Variants in RFX4 observed in about 807,000 individuals in gnomAD.
RFX4 encodes regulatory factor X4.
Under a neutral mutation model 95.0 loss-of-function variants are expected in RFX4, and 10 were observed. The ratio of observed to expected loss-of-function variants is 0.11; its 90% CI spans 0.06 to 0.18. The LOEUF is 0.18. Ranked by LOEUF, RFX4 falls within the 10% of genes least tolerant of loss-of-function variation. The pLI is 1.00. For synonymous variants in RFX4, 321 were observed against 340.7 expected, an observed-to-expected ratio of 0.94 and a Z score of 0.64; for missense variants, 640 against 922.0, an observed-to-expected ratio of 0.69 and a Z score of 3.96.
chr12:106,634,630 C>T (rs988895585), intron 2 of RFX4, among the ~76,000 whole-genome samples: 4 of 152,186 alleles, frequency 2.6e-5, no homozygotes, highest in Non-Finnish European at 5.9e-5. Context: ...AGCAGAGACC[C>T]GTGCTGCAGC....
intron 2 of RFX4, among the ~76,000 whole-genome samples, chr12:106,630,704 C>G (rs576529003): frequency 2.0e-5 from 3 of 152,306 alleles, no homozygotes; most frequent in African/African-American, 7.2e-5. Context: ...AAACTTGAAC[C>G]TTTCCTGGGA....
In RFX4 at chr12:106,752,820, C is replaced by T. The variant is rs537278758; in HGVS notation, c.1935+2027C>T. Among the ~76,000 whole-genome samples, 18 of 152,206 alleles carry T rather than the reference C, an allele frequency of 1.2e-4. No individual in the cohort carries two copies. In the East Asian group the frequency reaches 3.3e-3, roughly 28 times the overall value. On this transcript the variant is annotated intron_variant, in intron 17 of 17. Transcript: ENST00000392842. ...TGTGGGGAATAGACAGGCCATTGCACTTGGCTGCATTTGGGAAACCACCGC... is the reference window on the plus strand; with the variant it reads ...TGTGGGGAATAGACAGGCCATTGCATTTGGCTGCATTTGGGAAACCACCGC...
Position 106,583,238 on chromosome 12 carries a change from C to A in RFX4, c.-83C>A. 1.6e-6 allele frequency: 2 copies of A among 1,261,230 alleles called. No homozygotes were observed. The highest frequency in any genetic ancestry group is 1.5e-5 in the South Asian group (1 of 68,242). The allele number at this position is 1,261,230 out of a possible 1,614,324, so 78.1% of individuals were successfully genotyped here. On this transcript the variant is annotated 5_prime_UTR_variant, in exon 1 of 18. Transcript: ENST00000392842. ...TCTCCCCTTCTCCCTCCCTCCCTCCCTTCCTCCCTGGGCATCTCTAGCACA... is the reference window on the plus strand; with the variant it reads ...TCTCCCCTTCTCCCTCCCTCCCTCCATTCCTCCCTGGGCATCTCTAGCACA...
intron 10 of RFX4, 28 bp from the exon 11 acceptor site, chr12:106,715,372 C>T (rs779809583): frequency 6.2e-7 from 1 of 1,606,494 alleles, no homozygotes; most frequent in Admixed American, 1.7e-5. Context: ...AACCCATGAG[C>T]TAACGAGTTG....
chr12:106,675,527 G>T (rs578051275), intron 4 of RFX4, among the ~76,000 whole-genome samples: 33 of 152,168 alleles, frequency 2.2e-4, no homozygotes, highest in Middle Eastern at 3.4e-3. Flanking sequence ...GGGAGGTAAT[G>T]AATATGTTAA....
At chr12:106,610,990 T>G (rs1323587984) in intron 2 of RFX4, among the ~76,000 whole-genome samples, 1 of 151,244 alleles carries the variant, frequency 6.6e-6, no homozygotes, top group African/African-American at 2.4e-5. Context: ...TATTTTCTGT[T>G]TTTTTTTTAA....
At chr12:106,734,892 T>C (rs911626594) in intron 15 of RFX4, among the ~76,000 whole-genome samples, 9 of 149,238 alleles carry the variant, frequency 6.0e-5, no homozygotes, top group Admixed American at 2.7e-4. Flanking sequence ...GAGACCCCCA[T>C]CTCTACACAA....
chr12:106,651,227 T>TC (rs2040850826), intron 3 of RFX4, among the ~76,000 whole-genome samples: 2 of 151,864 alleles, frequency 1.3e-5, no homozygotes, highest in African/African-American at 4.8e-5. Context: ...CCTCCCTCCC[T>TC]CCCCCAACTA....
chr12:106,625,085 T>G (rs1454226365), intron 2 of RFX4, among the ~76,000 whole-genome samples: 1 of 152,068 alleles, frequency 6.6e-6, no homozygotes, highest in Admixed American at 6.5e-5. Context: ...TAGTATGAGA[T>G]TTTATGGATC....
chr12:106,733,054 T>G lies in RFX4; in HGVS notation c.1602T>G (p.Pro534=), dbSNP rs766921450. The G allele has an allele frequency of 6.2e-7, 1 of 1,614,168 alleles. No homozygotes were observed. The change falls in exon 15 of 18, where the codon CCT becomes CCG. Residue 534 remains proline (P), a synonymous_variant. Transcript: ENST00000392842. The part of the protein sequence containing the change: ...VPPPSSPVSN[P]SPEYTGLSTT... ...CTCCCTCTTCCCCTGTTAGCAATCCTTCCCCTGAGTACACTGGCCTCAGCA... is the reference window on the plus strand; with the variant it reads ...CTCCCTCTTCCCCTGTTAGCAATCCGTCCCCTGAGTACACTGGCCTCAGCA...
intron 17 of RFX4, among the ~76,000 whole-genome samples, chr12:106,759,856 C>G (rs1188246896): frequency 1.3e-5 from 2 of 152,108 alleles, no homozygotes; most frequent in Non-Finnish European, 2.9e-5. Flanking sequence ...AAAAATCCCT[C>G]CCTACTCAAA....
At chr12:106,715,224 G>A (rs2042264979) in intron 10 of RFX4, 176 bp from the exon 11 acceptor site, 2 of 659,922 alleles carry the variant, frequency 3.0e-6, no homozygotes, top group South Asian at 2.2e-5. Context: ...AGAAAACAGT[G>A]TCTGCGTCTT....
At chr12:106,635,371 G>T (rs1307241606) in intron 2 of RFX4, among the ~76,000 whole-genome samples, 4 of 152,288 alleles carry the variant, frequency 2.6e-5, no homozygotes, top group African/African-American at 9.6e-5. Flanking sequence ...AGGCTGGAGT[G>T]TAGTGGCGTG....
chr12:106,701,858 CAAAA>C (rs1043053282), intron 8 of RFX4, among the ~76,000 whole-genome samples: 2 of 150,944 alleles, frequency 1.3e-5, no homozygotes, highest in African/African-American at 4.9e-5. Flanking sequence ...CCTGTCTCTA[CAAAA>C]AAAAATTAGC....
intron 13 of RFX4, among the ~76,000 whole-genome samples, chr12:106,729,434 A>G (rs960201678): frequency 6.6e-6 from 1 of 152,116 alleles, no homozygotes; most frequent in African/African-American, 2.4e-5. Context: ...ATACACTTTT[A>G]CTCATTTTAG....
chr12:106,617,673 T>G (rs1382789390), intron 2 of RFX4, among the ~76,000 whole-genome samples: 1 of 152,154 alleles, frequency 6.6e-6, no homozygotes, highest in African/African-American at 2.4e-5. Flanking sequence ...TTGGTTAATG[T>G]CCATGCACAC....
At chr12:106,729,971 C>T (rs1311403864) in intron 13 of RFX4, among the ~76,000 whole-genome samples, 2 of 152,118 alleles carry the variant, frequency 1.3e-5, no homozygotes, top group Non-Finnish European at 2.9e-5. Flanking sequence ...TTGCTGAATA[C>T]CAAATGGCAT....
chr12:106,728,450 G>A (rs939038777), intron 13 of RFX4, among the ~76,000 whole-genome samples: 2 of 151,996 alleles, frequency 1.3e-5, no homozygotes, highest in Non-Finnish European at 2.9e-5. Flanking sequence ...TGTGTGCCTG[G>A]CAATGTTGTA....
At chr12:106,606,854 G>A (rs1434469222) in intron 1 of RFX4, among the ~76,000 whole-genome samples, 1 of 152,120 alleles carries the variant, frequency 6.6e-6, no homozygotes, top group Non-Finnish European at 1.5e-5. Flanking sequence ...TCCCCTCTCC[G>A]CATAGCTTAC....
Sources: gnomAD v4.1 joint callset for allele counts (sites outside exome capture counted in the v4.1 genomes callset) on GRCh38, gnomAD v4.1.1 for gene constraint, MANE v1.5 for transcripts, NCBI Gene and HGNC (gene_info 2026-07-23, HGNC 2026-07-21) for gene names.